Variants in SORCS2 observed in about 807,000 individuals in gnomAD.
The protein encoded by SORCS2 is sortilin related VPS10 domain containing receptor 2, also known as VPS10 domain-containing receptor SorCS2.
SORCS2 carries 100 observed loss-of-function variants against 141.6 expected under a neutral mutation model. The observed-to-expected ratio is 0.71, with a 90% CI of 0.60 to 0.83. The LOEUF is 0.83. Among genes scored for constraint, SORCS2 ranks in the 40% least tolerant of loss-of-function variants. The probability of loss-of-function intolerance (pLI) is 0.00; values close to 1 mark genes in which losing one functional copy is unlikely to be tolerated. For missense variants in SORCS2, 1,646 were observed against 1,560.2 expected (o/e 1.05, Z -0.93); for synonymous variants, 789 against 676.9 (o/e 1.17, Z -2.57).
chr4:7,552,465 C>T (rs1201750023), intron 3 of SORCS2, among the ~76,000 whole-genome samples: 1 of 152,158 alleles, frequency 6.6e-6, no homozygotes, highest in Non-Finnish European at 1.5e-5. Flanking sequence ...GACAAAAAAG[C>T]ACTGGCCCCA....
chr4:7,470,519 C>A (rs1729909536), intron 2 of SORCS2, among the ~76,000 whole-genome samples: 1 of 152,218 alleles, frequency 6.6e-6, no homozygotes, highest in South Asian at 2.1e-4. Context: ...AAGAGGTTGG[C>A]TCTGCCTTGT....
Position 7,543,975 on chromosome 4 carries a change from C to CCATCCAT in SORCS2, c.648+12347_648+12348insATCCATC, listed in dbSNP as rs1560373940. 4.5e-4 allele frequency among the ~76,000 whole-genome samples: 17 copies of CCATCCAT among 37,534 alleles called. No homozygotes were observed. The South Asian group carries it at 0.017, about 37-fold the overall frequency. The allele number at this position is 37,534 out of a possible 152,430, so 24.6% of individuals were successfully genotyped here. A position where few individuals can be genotyped will look rare whatever the true frequency, so the allele number is the denominator to read the frequency against. ...ATCCATCCATCCATCCATCCATCCA[C>CCATCCAT]CCATCCGTCCATCCATCCACTCATC... On this transcript the variant is annotated intron_variant, in intron 3 of 26. Transcript: ENST00000507866.
chr4:7,685,406 C>T (rs1342112262), intron 10 of SORCS2, among the ~76,000 whole-genome samples: 3 of 152,170 alleles, frequency 2.0e-5, no homozygotes, highest in Non-Finnish European at 4.4e-5. Context: ...GGCACAGTGG[C>T]TCACACCTGG....
rs1452006442 is a variant in SORCS2 at position 7,707,794 on chromosome 4, CA to C, written c.1868+3511del. ...TGGTGATGCACCTGTGAGGATGACA[CA>C]GGGGTGGAGACAGACGCTCATGGGG... On this transcript the variant is annotated intron_variant, in intron 14 of 26. Coordinates refer to ENST00000507866, the MANE Select transcript of SORCS2 (RefSeq NM_020777.3). Among the ~76,000 whole-genome samples, 8 of 152,204 alleles carry C rather than the reference CA, an allele frequency of 5.3e-5. No individual in the cohort carries two copies. In the South Asian group the frequency reaches 1.2e-3, roughly 24 times the overall value.
chr4:7,738,194 A>C (rs887740594), intron 26 of SORCS2, among the ~76,000 whole-genome samples: 5 of 152,212 alleles, frequency 3.3e-5, no homozygotes, highest in African/African-American at 1.2e-4. Flanking sequence ...GAGGGGGGAA[A>C]CTGAGGCCCA....
intron 3 of SORCS2, among the ~76,000 whole-genome samples, chr4:7,602,365 G>T (rs576832506): frequency 4.6e-5 from 7 of 151,678 alleles, no homozygotes; most frequent in Non-Finnish European, 8.8e-5. Flanking sequence ...CAGACGGGGC[G>T]GCTGCTGGGC....
At chr4:7,474,909 C>T (rs1030445905) in intron 2 of SORCS2, among the ~76,000 whole-genome samples, 38 of 152,112 alleles carry the variant, frequency 2.5e-4, no homozygotes, top group African/African-American at 7.5e-4. Context: ...CTCCTGGTGG[C>T]CCTGGCAGTC....
chr4:7,707,175 A>C (rs1030256433), intron 14 of SORCS2, among the ~76,000 whole-genome samples: 1 of 152,156 alleles, frequency 6.6e-6, no homozygotes, highest in East Asian at 1.9e-4. Context: ...CCATCATCCA[A>C]TGCACGTTTA....
intron 2 of SORCS2, among the ~76,000 whole-genome samples, chr4:7,478,747 G>C (rs971173380): frequency 6.6e-6 from 1 of 152,206 alleles, no homozygotes; most frequent in East Asian, 1.9e-4. Context: ...AGACAGTGGT[G>C]TGGGGGTTCC....
At chr4:7,703,682 TG>T (rs1461290951) in intron 13 of SORCS2, among the ~76,000 whole-genome samples, 1 of 151,848 alleles carries the variant, frequency 6.6e-6, no homozygotes, top group African/African-American at 2.4e-5. Flanking sequence ...TGGGACCAGG[TG>T]ACCCAGACAA....
intron 6 of SORCS2, 28 bp downstream of exon 6, chr4:7,661,592 G>A (rs1722172916): frequency 1.9e-6 from 3 of 1,549,240 alleles, no homozygotes; most frequent in Non-Finnish European, 2.6e-6. Flanking sequence ...CAGGCACCGG[G>A]TATCCCTGAG....
intron 1 of SORCS2, among the ~76,000 whole-genome samples, chr4:7,366,656 C>T (rs908927462): frequency 6.6e-6 from 1 of 152,108 alleles, no homozygotes; most frequent in Non-Finnish European, 1.5e-5. Flanking sequence ...GGTCTCAGCT[C>T]CTTGTCACCA....
intron 10 of SORCS2, among the ~76,000 whole-genome samples, chr4:7,684,082 C>T (rs1278185731): frequency 6.6e-6 from 1 of 152,190 alleles, no homozygotes; most frequent in Non-Finnish European, 1.5e-5. Flanking sequence ...CACGGCCTCT[C>T]CCGGGGCTTC....
intron 25 of SORCS2, among the ~76,000 whole-genome samples, chr4:7,734,583 G>A (rs752024202): frequency 2.0e-5 from 3 of 152,060 alleles, no homozygotes; most frequent in Admixed American, 1.3e-4. Flanking sequence ...GCCGCCACTC[G>A]CAACCCAGAG....
chr4:7,620,653 C>A (rs768402252), intron 3 of SORCS2, among the ~76,000 whole-genome samples: 4 of 152,240 alleles, frequency 2.6e-5, no homozygotes, highest in Non-Finnish European at 5.9e-5. Flanking sequence ...GTGTTGGGTA[C>A]ACACACTCCA....
At chr4:7,239,008 C>T (rs1018352875) in intron 1 of SORCS2, among the ~76,000 whole-genome samples, 3 of 152,370 alleles carry the variant, frequency 2.0e-5, no homozygotes, top group African/African-American at 4.8e-5. Flanking sequence ...GCATGGCCCA[C>T]GTCCCTGTGG....
chr4:7,723,175 C>T (rs985267653), intron 18 of SORCS2, among the ~76,000 whole-genome samples: 1 of 152,172 alleles, frequency 6.6e-6, no homozygotes, highest in Non-Finnish European at 1.5e-5. Context: ...ATCTCAGCGT[C>T]ACTCCTGGTA....
At chr4:7,351,788 CATCCATCT>C (rs1448668035) in intron 1 of SORCS2, among the ~76,000 whole-genome samples, 4 of 151,994 alleles carry the variant, frequency 2.6e-5, no homozygotes, top group Non-Finnish European at 5.9e-5. Flanking sequence ...ATTTATCATC[CATCCATCT>C]ATCCATCACC....
chr4:7,335,493 C>T (rs770662396), intron 1 of SORCS2, among the ~76,000 whole-genome samples: 2 of 152,200 alleles, frequency 1.3e-5, no homozygotes, highest in Admixed American at 6.5e-5. Context: ...TTCTTTCTCT[C>T]TGGGCGGGCC....
Sources: gnomAD v4.1 joint callset for allele counts (sites outside exome capture counted in the v4.1 genomes callset) on GRCh38, gnomAD v4.1.1 for gene constraint, MANE v1.5 for transcripts, NCBI Gene and HGNC (gene_info 2026-07-23, HGNC 2026-07-21) for gene names.